Variants in KSR2 observed in about 807,000 individuals in gnomAD.
KSR2 encodes kinase suppressor of ras 2.
A neutral mutation model predicts 107.8 loss-of-function variants in KSR2; 25 were observed. That is an observed-to-expected ratio of 0.23 (90% confidence interval 0.17 to 0.32). The LOEUF is 0.32. Among genes scored for constraint, KSR2 ranks in the 10% least tolerant of loss-of-function variants. The probability of loss-of-function intolerance (pLI) is 1.00; values close to 1 mark genes in which losing one functional copy is unlikely to be tolerated. For missense variants in KSR2, 887 were observed against 1,268.9 expected, an observed-to-expected ratio of 0.70 and a Z score of 4.57; for synonymous variants, 480 against 507.0, an observed-to-expected ratio of 0.95 and a Z score of 0.71.
chr12:117,909,851 T>A (rs1317542193), intron 1 of KSR2, among the ~76,000 whole-genome samples: 1 of 146,532 alleles, frequency 6.8e-6, no homozygotes, highest in African/African-American at 2.6e-5. Flanking sequence ...GTGGCTGCAG[T>A]GAGTCGAGAT....
intron 3 of KSR2, among the ~76,000 whole-genome samples, chr12:117,806,437 T>C (rs914327747): frequency 1.3e-5 from 2 of 152,162 alleles, no homozygotes; most frequent in Non-Finnish European, 2.9e-5. Flanking sequence ...GATCCTAAAA[T>C]TCGTCTAGGG....
At chr12:117,954,383 A>G (rs1896448829) in intron 1 of KSR2, among the ~76,000 whole-genome samples, 1 of 152,240 alleles carries the variant, frequency 6.6e-6, no homozygotes, top group Non-Finnish European at 1.5e-5. Context: ...TGGGATGAGC[A>G]TGTGGTTTAA....
intron 14 of KSR2, among the ~76,000 whole-genome samples, chr12:117,515,302 C>T (rs191647076): frequency 2.6e-5 from 4 of 152,316 alleles, no homozygotes; most frequent in Non-Finnish European, 5.9e-5. Flanking sequence ...CCCTCCAGTG[C>T]GTACTATATT....
chr12:117,617,102 C>G (rs1240238651), intron 5 of KSR2, among the ~76,000 whole-genome samples: 1 of 152,152 alleles, frequency 6.6e-6, no homozygotes, highest in Non-Finnish European at 1.5e-5. Flanking sequence ...TCTTTTGTCT[C>G]TTTTGGAAAA....
chr12:117,781,041 G>A (rs1889867853), intron 3 of KSR2, among the ~76,000 whole-genome samples: 1 of 152,196 alleles, frequency 6.6e-6, no homozygotes, highest in Non-Finnish European at 1.5e-5. Context: ...GAGACCCAGT[G>A]AGAGGTAATT....
chr12:117,720,165 A>T (rs1296373781), intron 4 of KSR2, among the ~76,000 whole-genome samples: 1 of 152,206 alleles, frequency 6.6e-6, no homozygotes, highest in Non-Finnish European at 1.5e-5. Context: ...TCCCTGCTGA[A>T]CCAGGCATGC....
chr12:117,904,399 T>C lies in KSR2; in HGVS notation c.181-43968A>G, dbSNP rs1478469590. Among the ~76,000 whole-genome samples, 4 of 152,318 alleles carry C rather than the reference T, an allele frequency of 2.6e-5. No individual in the cohort carries two copies. In the South Asian group the frequency reaches 6.2e-4, roughly 24 times the overall value. On this transcript the variant is annotated intron_variant, in intron 1 of 19. Coordinates refer to ENST00000339824, the MANE Select transcript of KSR2 (RefSeq NM_173598.6). Reference sequence around the variant, plus strand: ...CAGTTCTCAGCCAACCAGGTGGAGATTGGCATTACAGGAGAACTCAAAAGT... The same window carrying C: ...CAGTTCTCAGCCAACCAGGTGGAGACTGGCATTACAGGAGAACTCAAAAGT...
chr12:117,597,477 G>A (rs191307405), intron 5 of KSR2, among the ~76,000 whole-genome samples: 2 of 152,266 alleles, frequency 1.3e-5, no homozygotes, highest in African/African-American at 4.8e-5. Context: ...AGGAGCAAAG[G>A]AAGAAGAGGG....
intron 14 of KSR2, among the ~76,000 whole-genome samples, chr12:117,503,996 A>G (rs375709264): frequency 6.6e-6 from 1 of 152,346 alleles, no homozygotes; most frequent in Non-Finnish European, 1.5e-5. Flanking sequence ...CTCTATTTGT[A>G]CATAAATGGG....
At chr12:117,598,727 C>T (rs1464807302) in intron 5 of KSR2, among the ~76,000 whole-genome samples, 1 of 151,888 alleles carries the variant, frequency 6.6e-6, no homozygotes, top group East Asian at 1.9e-4. Flanking sequence ...TGATGTTGAG[C>T]ATTTTTTCAT....
intron 3 of KSR2, among the ~76,000 whole-genome samples, chr12:117,780,794 T>C (rs1889856409): frequency 6.6e-6 from 1 of 152,256 alleles, no homozygotes; most frequent in Non-Finnish European, 1.5e-5. Flanking sequence ...ATGGTTCCCA[T>C]GATCTTTCTC....
At chr12:117,801,365 G>C (rs1890827126) in intron 3 of KSR2, among the ~76,000 whole-genome samples, 1 of 151,326 alleles carries the variant, frequency 6.6e-6, no homozygotes, top group South Asian at 2.1e-4. Flanking sequence ...TTGGCCTCAA[G>C]TGATCCACCC....
chr12:117,687,673 G>T (rs1312907911), intron 4 of KSR2, among the ~76,000 whole-genome samples: 1 of 152,076 alleles, frequency 6.6e-6, no homozygotes, highest in Non-Finnish European at 1.5e-5. Flanking sequence ...CCACCTCGGG[G>T]AATTCTCTCT....
At chr12:117,778,929 A>C (rs1465588209) in intron 3 of KSR2, among the ~76,000 whole-genome samples, 1 of 152,102 alleles carries the variant, frequency 6.6e-6, no homozygotes, top group African/African-American at 2.4e-5. Context: ...GCATTCGATG[A>C]CCTTATGTGC....
chr12:117,665,252 C>G (rs1209867281), intron 5 of KSR2, among the ~76,000 whole-genome samples: 1 of 152,094 alleles, frequency 6.6e-6, no homozygotes, highest in Non-Finnish European at 1.5e-5. Flanking sequence ...AACGCTTTTC[C>G]TCTTAGGTGG....
At chr12:117,516,490 GACTTCTA>G (rs1290683849) in intron 14 of KSR2, among the ~76,000 whole-genome samples, 1 of 152,090 alleles carries the variant, frequency 6.6e-6, no homozygotes, top group African/African-American at 2.4e-5. Flanking sequence ...GAAAATACAT[GACTTCTA>G]CCATTTGCTG....
chr12:117,582,508 G>A lies in KSR2; in HGVS notation c.1172-149C>T, dbSNP rs577065288. On this transcript the variant is annotated intron_variant, in intron 5 of 19. Coordinates refer to ENST00000339824, the MANE Select transcript of KSR2 (RefSeq NM_173598.6). The stretch of plus-strand genomic sequence containing the variant: ...TAAACCAAAGCCAAGTGGAACACTG[G>A]TTTAGCTTGTCACCTCAACTGACGC... The A allele has an allele frequency of 4.3e-5, 28 of 655,838 alleles. No homozygotes were observed. In the African/African-American group the frequency reaches 4.8e-4, roughly 11 times the overall value. 40.6% of individuals were successfully genotyped at this position (655,838 alleles called of 1,614,324 possible).
chr12:117,526,280 T>A (rs1161402266), intron 13 of KSR2, among the ~76,000 whole-genome samples: 1 of 151,984 alleles, frequency 6.6e-6, no homozygotes, highest in Non-Finnish European at 1.5e-5. Context: ...CAGCATGATA[T>A]CTAGGGGTGC....
At chr12:117,831,335 C>A (rs1891956084) in intron 3 of KSR2, among the ~76,000 whole-genome samples, 1 of 152,220 alleles carries the variant, frequency 6.6e-6, no homozygotes, top group Non-Finnish European at 1.5e-5. Flanking sequence ...GCAGAAATCT[C>A]CAACCTGGCC....
Sources: gnomAD v4.1 joint callset for allele counts (sites outside exome capture counted in the v4.1 genomes callset) on GRCh38, gnomAD v4.1.1 for gene constraint, MANE v1.5 for transcripts, NCBI Gene and HGNC (gene_info 2026-07-23, HGNC 2026-07-21) for gene names.